FBXO4: variants seen among roughly 807,000 people sequenced by gnomAD.
FBXO4 encodes the protein F-box only protein 4.
In FBXO4, 36 loss-of-function variants were observed where a neutral mutation model predicts 43.7. The observed-to-expected ratio is 0.82, with a 90% CI of 0.63 to 1.09. FBXO4 has a LOEUF of 1.09. FBXO4 is among the 50% of genes least tolerant of loss of function. The pLI is 0.00. For missense variants in FBXO4, 435 were observed against 474.1 expected (o/e 0.92, Z 0.77); for synonymous variants, 180 against 165.6 (o/e 1.09, Z -0.67).
At chr5:41,937,514 C>G (rs1164702919) in intron 5 of FBXO4, among the ~76,000 whole-genome samples, 1 of 152,120 alleles carries the variant, frequency 6.6e-6, no homozygotes, top group African/African-American at 2.4e-5. Flanking sequence ...TACCCCAGAC[C>G]TGTATATCAG....
chr5:41,953,242 T>C, the FBXO4 span, among the ~76,000 whole-genome samples: 1 of 150,818 alleles, frequency 6.6e-6, no homozygotes, highest in Non-Finnish European at 1.5e-5. Flanking sequence ...TGAGAACATG[T>C]GGTGTTTGGT....
At chr5:41,950,645 G>A in the FBXO4 span, among the ~76,000 whole-genome samples, 1 of 152,206 alleles carries the variant, frequency 6.6e-6, no homozygotes, top group Non-Finnish European at 1.5e-5. Flanking sequence ...CATTGTGGAA[G>A]ACAGTGTGGT....
chr5:41,967,199 C>CTT, the FBXO4 span: 485 of 472,084 alleles, frequency 1.0e-3, no homozygotes, highest in South Asian at 1.4e-3. Flanking sequence ...AGCCTCAGCA[C>CTT]TTTTTTTTTG....
chr5:42,005,455 G>A, the FBXO4 span, among the ~76,000 whole-genome samples: 1 of 152,118 alleles, frequency 6.6e-6, no homozygotes, highest in Non-Finnish European at 1.5e-5. Flanking sequence ...ATTTCTGAAG[G>A]TGTTTAAAAT....
chr5:41,944,521 C>T (rs1752048575), downstream of FBXO4, among the ~76,000 whole-genome samples: 1 of 152,166 alleles, frequency 6.6e-6, no homozygotes, highest in African/African-American at 2.4e-5. Flanking sequence ...TCTTTACCAT[C>T]ATGATGAATT....
At chr5:41,938,686 A>C (rs906841783) in intron 5 of FBXO4, among the ~76,000 whole-genome samples, 7 of 152,170 alleles carry the variant, frequency 4.6e-5, no homozygotes, top group African/African-American at 1.7e-4. Flanking sequence ...ATATGGTTGC[A>C]TCCTTTTCTG....
chr5:41,931,778 A>G (rs1751694499), intron 3 of FBXO4, among the ~76,000 whole-genome samples: 1 of 152,218 alleles, frequency 6.6e-6, no homozygotes. Context: ...GATTGGAGAC[A>G]GGTGCTGAAA....
chr5:41,927,699 A>G (rs1751552457), intron 2 of FBXO4, among the ~76,000 whole-genome samples: 1 of 152,200 alleles, frequency 6.6e-6, no homozygotes, highest in East Asian at 1.9e-4. Context: ...AGGTGAGATA[A>G]TTAATGTTAC....
At chr5:41,999,492 T>TATATATGTGTATATATATATATAC in the FBXO4 span, among the ~76,000 whole-genome samples, 10 of 52,664 alleles carry the variant, frequency 1.9e-4, no homozygotes, top group Middle Eastern at 0.01. Context: ...TATATATATA[T>TATATATGTGTATATATATATATAC]ACATATATAT....
chr5:41,990,004 T>C, the FBXO4 span, among the ~76,000 whole-genome samples: 58,301 of 152,010 alleles, frequency 0.38, 13,845 homozygotes, highest in African/African-American at 0.67. Context: ...TGACAGTTAT[T>C]TACGAAGTAG....
the FBXO4 span, among the ~76,000 whole-genome samples, chr5:41,957,479 CAAT>C: frequency 6.7e-6 from 1 of 148,282 alleles, no homozygotes; most frequent in African/African-American, 2.5e-5. Context: ...ATATTAATAA[CAAT>C]AATTATAATA....
At chr5:41,972,642 GC>G in the FBXO4 span, among the ~76,000 whole-genome samples, 1 of 152,060 alleles carries the variant, frequency 6.6e-6, no homozygotes, top group South Asian at 2.1e-4. Context: ...AAAGAACAAA[GC>G]CAGAGGCATC....
intron 6 of FBXO4, among the ~76,000 whole-genome samples, chr5:41,939,963 C>T (rs1358368146): frequency 2.0e-5 from 3 of 150,594 alleles, no homozygotes; most frequent in African/African-American, 7.3e-5. Flanking sequence ...GATCCCTCCA[C>T]CTCAGCCTCC....
chr5:42,032,594 AT>A, the FBXO4 span, among the ~76,000 whole-genome samples: 2 of 152,148 alleles, frequency 1.3e-5, no homozygotes, highest in Non-Finnish European at 2.9e-5. Flanking sequence ...CTTATGGTGA[AT>A]GCTGCCTGAT....
chr5:41,963,631 A>G, the FBXO4 span, among the ~76,000 whole-genome samples: 55 of 152,334 alleles, frequency 3.6e-4, no homozygotes, highest in Non-Finnish European at 7.5e-4. Flanking sequence ...TATCAAGAAA[A>G]TCACAAGAAA....
At chr5:42,002,303 G>C in the FBXO4 span, among the ~76,000 whole-genome samples, 3 of 152,158 alleles carry the variant, frequency 2.0e-5, no homozygotes, top group East Asian at 5.8e-4. Flanking sequence ...AGTAGTGCAA[G>C]GCTTAAATAA....
chr5:42,035,355 G>A, the FBXO4 span, among the ~76,000 whole-genome samples: 1 of 151,936 alleles, frequency 6.6e-6, no homozygotes, highest in Non-Finnish European at 1.5e-5. Flanking sequence ...ACTTCCAATA[G>A]TATGTTGTAT....
At chr5:41,952,820 G>A in the FBXO4 span, among the ~76,000 whole-genome samples, 1 of 151,874 alleles carries the variant, frequency 6.6e-6, no homozygotes, top group Non-Finnish European at 1.5e-5. Context: ...TATTATACCT[G>A]TCAATTTTAA....
chr5:42,035,095 G>C, the FBXO4 span, among the ~76,000 whole-genome samples: 1 of 151,940 alleles, frequency 6.6e-6, no homozygotes, highest in Non-Finnish European at 1.5e-5. Context: ...GTGACTGGGA[G>C]TTTATTCATG....
Sources: allele counts gnomAD v4.1 joint callset (sites outside exome capture counted in the v4.1 genomes callset), GRCh38; gene constraint gnomAD v4.1.1; transcripts MANE v1.5; gene names NCBI Gene and HGNC (gene_info 2026-07-23, HGNC 2026-07-21).